The following KCNK13 variants were observed in gnomAD, a reference collection of about 807,000 sequenced individuals.
The protein encoded by KCNK13 is potassium channel subfamily K member 13.
KCNK13 carries 12 observed loss-of-function variants against 23.4 expected under a neutral mutation model. The observed-to-expected ratio is 0.51, with a 90% CI of 0.33 to 0.83. The LOEUF is 0.83. Among genes scored for constraint, KCNK13 ranks in the 40% least tolerant of loss-of-function variants. The probability of loss-of-function intolerance (pLI) is 0.02; values close to 1 mark genes in which losing one functional copy is unlikely to be tolerated. For synonymous variants in KCNK13, 231 were observed against 229.5 expected, an observed-to-expected ratio of 1.01 and a Z score of -0.06; for missense variants, 463 against 556.3, an observed-to-expected ratio of 0.83 and a Z score of 1.69.
intron 1 of KCNK13, among the ~76,000 whole-genome samples, chr14:90,153,465 C>G (rs1196753119): frequency 6.6e-6 from 1 of 152,180 alleles, no homozygotes; most frequent in African/African-American, 2.4e-5. Flanking sequence ...AGCCTGGAAC[C>G]CGGTACATGC....
At position 90,083,915 on chromosome 14, in the gene KCNK13, A is replaced by C. The variant is rs540030331; in HGVS notation, c.334+21376A>C. Reference sequence around the variant, plus strand: ...TAGCCCCATTTAATTGTTTTAGCACACTTGACAAAAATCACTAGTCTTAGC... The same window carrying C: ...TAGCCCCATTTAATTGTTTTAGCACCCTTGACAAAAATCACTAGTCTTAGC... On this transcript the variant is annotated intron_variant, in intron 1 of 1. Coordinates refer to ENST00000282146, the MANE Select transcript of KCNK13 (RefSeq NM_022054.4). Among the ~76,000 whole-genome samples the C allele has an allele frequency of 3.3e-5, 5 of 152,304 alleles. No individual in the cohort carries two copies. The South Asian group carries it at 6.2e-4, about 19-fold the overall frequency.
intron 1 of KCNK13, among the ~76,000 whole-genome samples, chr14:90,140,337 A>G (rs1889990617): frequency 6.6e-6 from 1 of 152,194 alleles, no homozygotes; most frequent in Non-Finnish European, 1.5e-5. Context: ...TTGAAGTCCT[A>G]CCACGCATCA....
intron 1 of KCNK13, among the ~76,000 whole-genome samples, chr14:90,181,508 A>G (rs1890485526): frequency 6.6e-6 from 1 of 152,168 alleles, no homozygotes; most frequent in Admixed American, 6.5e-5. Flanking sequence ...ACCACCTCCT[A>G]ATACCATCAC....
intron 1 of KCNK13, among the ~76,000 whole-genome samples, chr14:90,069,579 T>A (rs554439764): frequency 2.6e-5 from 4 of 151,772 alleles, no homozygotes; most frequent in African/African-American, 9.7e-5. Flanking sequence ...GCTTTTGAAA[T>A]CAAAGTATAT....
rs1304697808 is a variant in KCNK13, at chr14:90,075,270, A to C, written c.334+12731A>C. On this transcript the variant is annotated intron_variant, in intron 1 of 1. Transcript: ENST00000282146. ...CCACTATTTTTTATGTTTATAAATAAAATTGAGACCTCGGTTTATTGGTGA... is the reference window on the plus strand; with the variant it reads ...CCACTATTTTTTATGTTTATAAATACAATTGAGACCTCGGTTTATTGGTGA... 2.0e-5 allele frequency among the ~76,000 whole-genome samples: 3 copies of C among 152,192 alleles called. No homozygotes were observed. In the East Asian group the frequency reaches 5.8e-4, roughly 29 times the overall value.
chr14:90,170,787 G>C (rs1269661985), intron 1 of KCNK13, among the ~76,000 whole-genome samples: 1 of 152,104 alleles, frequency 6.6e-6, no homozygotes, highest in Non-Finnish European at 1.5e-5. Flanking sequence ...CTGTCAGATA[G>C]CATAGACAAA....
intron 1 of KCNK13, among the ~76,000 whole-genome samples, chr14:90,157,329 C>T (rs113436814): frequency 0.012 from 1,796 of 152,206 alleles, 43 homozygotes; most frequent in African/African-American, 0.041. Context: ...CTTTTCATCC[C>T]GTTAGAGTCA....
intron 1 of KCNK13, among the ~76,000 whole-genome samples, chr14:90,158,047 C>T (rs191896722): frequency 5.1e-4 from 77 of 152,340 alleles, no homozygotes; most frequent in Non-Finnish European, 7.2e-4. Flanking sequence ...AATGAACCCC[C>T]GACCTTGGGA....
In KCNK13 at chr14:90,094,991, T is replaced by G. The variant is rs191777673; in HGVS notation, c.334+32452T>G. Among the ~76,000 whole-genome samples the G allele has an allele frequency of 4.8e-4, 73 of 152,322 alleles. 1 individual carries two copies. In the East Asian group the frequency reaches 0.011, roughly 24 times the overall value. On this transcript the variant is annotated intron_variant, in intron 1 of 1. Transcript: ENST00000282146. ...AATTAAAGTTTTGTCTAGAATTGTG[T>G]GTTTGTCCCAAATTGTTTTTATCTT...
rs182939689 is a variant in KCNK13, at chr14:90,066,991, C to T, written c.334+4452C>T. ...GCCAAAAAAAAAGGAATGAAATTGG[C>T]CAAGCACGGTGGCTCATGCCTGTAA... On this transcript the variant is annotated intron_variant, in intron 1 of 1. Transcript: ENST00000282146. Among the ~76,000 whole-genome samples the T allele has an allele frequency of 2.3e-4, 35 of 152,316 alleles. No homozygotes were observed. The East Asian group carries it at 5.6e-3, about 24-fold the overall frequency.
intron 1 of KCNK13, among the ~76,000 whole-genome samples, chr14:90,091,925 C>T (rs1197823017): frequency 6.8e-6 from 1 of 146,628 alleles, no homozygotes; most frequent in Non-Finnish European, 1.5e-5. Context: ...GGAAAGAGAA[C>T]TCCTTTTTTT....
chr14:90,164,136 A>G (rs1356898677), intron 1 of KCNK13, among the ~76,000 whole-genome samples: 1 of 152,220 alleles, frequency 6.6e-6, no homozygotes, highest in Non-Finnish European at 1.5e-5. Context: ...TTTCCCCATG[A>G]CTAGCTAAAA....
At chr14:90,146,489 T>A (rs1268035812) in intron 1 of KCNK13, among the ~76,000 whole-genome samples, 1 of 152,132 alleles carries the variant, frequency 6.6e-6, no homozygotes, top group Admixed American at 6.6e-5. Context: ...CTAATTTTTG[T>A]ATTTTTAGTA....
chr14:90,071,897 C>CA (rs778743886), intron 1 of KCNK13, among the ~76,000 whole-genome samples: 1,928 of 131,812 alleles, frequency 0.015, 22 homozygotes, highest in Non-Finnish European at 0.019. Flanking sequence ...GACTCCATCT[C>CA]AAAAAAAAAA....
At chr14:90,156,843 C>T (rs1249887477) in intron 1 of KCNK13, among the ~76,000 whole-genome samples, 1 of 152,170 alleles carries the variant, frequency 6.6e-6, no homozygotes, top group Non-Finnish European at 1.5e-5. Context: ...GCCACCTGCT[C>T]TCCTTCTGCA....
At chr14:90,168,171 C>T (rs1596808307) in intron 1 of KCNK13, among the ~76,000 whole-genome samples, 1 of 152,144 alleles carries the variant, frequency 6.6e-6, no homozygotes, top group African/African-American at 2.4e-5. Context: ...GCCAGGAAGT[C>T]GAAGCCAGCC....
Position 90,062,072 on chromosome 14 carries a change from C to A in KCNK13, c.-134C>A, listed in dbSNP as rs1206528239. On this transcript the variant is annotated 5_prime_UTR_variant, in exon 1 of 2. Coordinates refer to ENST00000282146, the MANE Select transcript of KCNK13 (RefSeq NM_022054.4). The surrounding 1 kb of genome is among the most constrained non-coding windows in gnomAD (Gnocchi z 4.5). ...CCTCGCGGCCTGCGGGAGAGCCCGG[C>A]GGTCATGGGCGAGCCGGCGGTGGGG... 2 of 512,550 alleles carry A rather than the reference C, an allele frequency of 3.9e-6. No homozygotes were observed. Among genetic ancestry groups the A allele is most frequent in the Non-Finnish European group, 6.2e-6 (2 of 324,850 alleles). 31.8% of individuals were successfully genotyped at this position (512,550 alleles called of 1,614,324 possible).
Position 90,179,545 on chromosome 14 carries a change from A to G in KCNK13, c.335-4566A>G, listed in dbSNP as rs76269781. On this transcript the variant is annotated intron_variant, in intron 1 of 1. Coordinates refer to ENST00000282146, the MANE Select transcript of KCNK13 (RefSeq NM_022054.4). ...AATCTGCCCCAGAAATTACAAGCAC[A>G]TTAACAGAGGTCTGAAATGATTTAA... Among the ~76,000 whole-genome samples, 842 of 152,282 alleles carry G rather than the reference A, an allele frequency of 5.5e-3. 7 individuals are homozygous for G. Among genetic ancestry groups the G allele is most frequent in the African/African-American group, 0.019 (810 of 41,554 alleles).
intron 1 of KCNK13, among the ~76,000 whole-genome samples, chr14:90,079,552 CAGAGCCT>C (rs1391751133): frequency 6.6e-6 from 1 of 152,130 alleles, no homozygotes; most frequent in Non-Finnish European, 1.5e-5. Context: ...CCATTAGCAG[CAGAGCCT>C]GCAACTGCTG....
Sources: gnomAD v4.1 joint callset for allele counts (sites outside exome capture counted in the v4.1 genomes callset) on GRCh38, gnomAD v4.1.1 for gene constraint, Gnocchi (gnomAD v3.1) non-coding constraint, MANE v1.5 for transcripts, NCBI Gene and HGNC (gene_info 2026-07-23, HGNC 2026-07-21) for gene names.